The following ZNF600 variants were observed in gnomAD, a reference collection of about 807,000 sequenced individuals.
The protein encoded by ZNF600 is zinc finger protein 600.
A neutral mutation model predicts 7.3 loss-of-function variants in ZNF600; 4 were observed. The ratio of observed to expected loss-of-function variants is 0.55; its 90% CI spans 0.27 to 1.25. The LOEUF (loss-of-function observed/expected upper bound fraction) is 1.25, where lower values mean the gene tolerates loss of function less well. Among genes scored for constraint, ZNF600 ranks in the 50% most tolerant of loss-of-function variants. ZNF600 has a pLI of 0.12. For synonymous variants in ZNF600, 290 were observed against 308.9 expected (o/e 0.94, Z 0.64); for missense variants, 911 against 922.1 (o/e 0.99, Z 0.16).
chr19:52,782,338 AG>A (rs1241430694), intron 1 of ZNF600, among the ~76,000 whole-genome samples: 1 of 151,988 alleles, frequency 6.6e-6, no homozygotes, highest in African/African-American at 2.4e-5. Context: ...AGCCTGACCA[AG>A]ATGGAGAAAC....
the ZNF600 span, among the ~76,000 whole-genome samples, chr19:52,811,264 T>C: frequency 6.6e-6 from 1 of 151,626 alleles, no homozygotes; most frequent in Non-Finnish European, 1.5e-5. Context: ...CCCAGCCGCC[T>C]GCCTTGGCCT....
At chr19:52,780,336 C>A (rs533055336) in intron 1 of ZNF600, among the ~76,000 whole-genome samples, 3 of 152,056 alleles carry the variant, frequency 2.0e-5, no homozygotes, top group Non-Finnish European at 4.4e-5. Flanking sequence ...AAGATGATAT[C>A]AGAACAAGGA....
chr19:52,788,824 T>G (rs1600409014), upstream of ZNF600, among the ~76,000 whole-genome samples: 3 of 152,328 alleles, frequency 2.0e-5, no homozygotes, highest in Middle Eastern at 3.4e-3. Flanking sequence ...TAGGTATTAT[T>G]GAGGGTGGGT....
chr19:52,831,304 G>GT, the ZNF600 span, among the ~76,000 whole-genome samples: 8 of 151,822 alleles, frequency 5.3e-5, no homozygotes, highest in Admixed American at 3.9e-4. Context: ...ATAATGACAG[G>GT]TTTTTTCTGT....
At chr19:52,825,283 GA>G in the ZNF600 span, among the ~76,000 whole-genome samples, 1 of 152,092 alleles carries the variant, frequency 6.6e-6, no homozygotes, top group Non-Finnish European at 1.5e-5. Flanking sequence ...TCTTCATTCA[GA>G]AAATGCTCCA....
the ZNF600 span, chr19:52,809,896 G>A: frequency 9.5e-5 from 77 of 810,170 alleles, no homozygotes; most frequent in East Asian, 4.3e-4. Flanking sequence ...AGGCCGGGGC[G>A]GCGCCATCTT....
At chr19:52,785,837 CT>C (rs1246175038) in intron 1 of ZNF600, among the ~76,000 whole-genome samples, 18 of 152,140 alleles carry the variant, frequency 1.2e-4, no homozygotes, top group African/African-American at 3.6e-4. Context: ...TTTGCTGCCC[CT>C]CTCCCTACCT....
chr19:52,806,863 G>C, the ZNF600 span, among the ~76,000 whole-genome samples: 1 of 152,082 alleles, frequency 6.6e-6, no homozygotes, highest in Non-Finnish European at 1.5e-5. Context: ...GATCGTACCA[G>C]TGCACTGTAG....
the ZNF600 span, among the ~76,000 whole-genome samples, chr19:52,812,747 C>CCCTCT: frequency 2.0e-5 from 2 of 99,632 alleles, no homozygotes; most frequent in Admixed American, 1.1e-4. Context: ...GCGAGAAACA[C>CCCTCT]CCAAGAATGA....
chr19:52,815,111 A>C, the ZNF600 span, among the ~76,000 whole-genome samples: 2 of 144,182 alleles, frequency 1.4e-5, 1 homozygote, highest in Non-Finnish European at 3.0e-5. Flanking sequence ...TTATATATAT[A>C]TATAAAGGTT....
the ZNF600 span, chr19:52,810,581 C>G: frequency 6.3e-7 from 1 of 1,589,156 alleles, no homozygotes; most frequent in Non-Finnish European, 8.6e-7. Context: ...TCCACGAGCC[C>G]GCTACCGCGC....
the ZNF600 span, among the ~76,000 whole-genome samples, chr19:52,803,216 G>A: frequency 3.9e-5 from 6 of 152,236 alleles, no homozygotes; most frequent in South Asian, 2.1e-4. Context: ...ACCTGGGAAT[G>A]CAGGCACATG....
At chr19:52,766,166 C>T in exon 4 of ZNF600, 1 of 1,614,040 alleles carries the variant, frequency 6.2e-7, no homozygotes, top group South Asian at 1.1e-5. Context: ...TCTTGCTGCA[C>T]TCATTACACT....
intron 1 of ZNF600, 135 bp from the exon 4 acceptor site, chr19:52,779,042 A>C: frequency 1.3e-6 from 1 of 751,096 alleles, no homozygotes; most frequent in Admixed American, 3.1e-5. Context: ...GATCATGCAG[A>C]GATAAGAAAG....
the ZNF600 span, among the ~76,000 whole-genome samples, chr19:52,809,372 G>A: frequency 6.6e-6 from 1 of 152,190 alleles, no homozygotes; most frequent in Non-Finnish European, 1.5e-5. Context: ...AGCTAGCCAT[G>A]TTTACTAACA....
At chr19:52,787,873 AAAAAG>A (rs1256963046), upstream of ZNF600, among the ~76,000 whole-genome samples, 2,122 of 37,398 alleles carry the variant, frequency 0.057, 77 homozygotes, top group African/African-American at 0.16. Context: ...AAAAAAAAAG[AAAAAG>A]AAAAAGAAAA....
the ZNF600 span, among the ~76,000 whole-genome samples, chr19:52,809,163 G>A: frequency 6.6e-6 from 1 of 152,152 alleles, no homozygotes; most frequent in African/African-American, 2.4e-5. Context: ...AATCTTGTCA[G>A]ATCTAAGAAA....
In ZNF600 at chr19:52,766,734, C is replaced by T; in HGVS notation, c.1229G>A (p.Trp410Ter). The change falls in exon 4 of 4, where the codon TGG becomes TAG. Residue 410 changes from tryptophan (W) to a stop codon, truncating the protein, a stop_gained. Coordinates refer to ENST00000648973, the Ensembl canonical transcript of ZNF600. LOFTEE classifies it low-confidence loss of function (END_TRUNC). Reference sequence around the variant, plus strand: ...TTTATGTCTTGCCAGCTGAGAATTCCATGTGAAAGCTGTGTCACAAACCTT... The same window carrying T: ...TTTATGTCTTGCCAGCTGAGAATTCTATGTGAAAGCTGTGTCACAAACCTT... 1 of 1,612,728 alleles carries T rather than the reference C, an allele frequency of 6.2e-7. No individual in the cohort carries two copies. The highest frequency in any genetic ancestry group is 8.5e-7 in the Non-Finnish European group (1 of 1,179,736).
chr19:52,812,787 A>AAAAAAG, the ZNF600 span, among the ~76,000 whole-genome samples: 40 of 131,034 alleles, frequency 3.1e-4, no homozygotes, highest in African/African-American at 1.0e-3. Flanking sequence ...AAAAAAAAAA[A>AAAAAAG]GTTTTAAGTG....
Sources: gnomAD v4.1 joint callset for allele counts (sites outside exome capture counted in the v4.1 genomes callset) on GRCh38, gnomAD v4.1.1 for gene constraint, MANE v1.5 for transcripts, NCBI Gene and HGNC (gene_info 2026-07-23, HGNC 2026-07-21) for gene names.